PLS3: variants seen among roughly 807,000 people sequenced by gnomAD.
PLS3 encodes the protein plastin-3.
A neutral mutation model predicts 46.5 loss-of-function variants in PLS3; 11 were observed. That is an observed-to-expected ratio of 0.24 (90% CI 0.15 to 0.39). PLS3 has a LOEUF of 0.39. PLS3 is among the 10% of genes least tolerant of loss of function. PLS3 has a pLI of 1.00. For missense variants in PLS3, 308 were observed against 461.8 expected (o/e 0.67, Z 3.05); for synonymous variants, 167 against 162.2 (o/e 1.03, Z -0.22).
intron 4 of PLS3, 142 bp from the exon 5 acceptor site, chrX:115,629,693 T>C: frequency 2.4e-6 from 1 of 423,310 alleles, no homozygotes; most frequent in African/African-American, 2.5e-5. Flanking sequence ...TGCATCCAAG[T>C]GTCTGGGTTT....
rs61675561 is a variant in PLS3 at position 115,609,486 on chromosome X, T to G, written c.-8-757T>G. On this transcript the variant is annotated intron_variant, in intron 1 of 15. Coordinates refer to ENST00000355899, the MANE Select transcript of PLS3 (RefSeq NM_005032.7). The stretch of plus-strand genomic sequence containing the variant: ...TGGGATAACATTTCACTTAATTGGG[T>G]TCAAAGTTAATGTGCCCCCATCATC... Among the ~76,000 whole-genome samples, 457 of 111,767 alleles carry G rather than the reference T, an allele frequency of 4.1e-3. 8 individuals are homozygous for G. The East Asian group carries it at 0.065, about 16-fold the overall frequency.
intron 1 of PLS3, among the ~76,000 whole-genome samples, chrX:115,577,907 C>T (rs185093578): frequency 9.0e-4 from 100 of 111,463 alleles, no homozygotes; most frequent in African/African-American, 2.9e-3. Flanking sequence ...AAGTACTTAC[C>T]GAGCACCTTA....
chrX:115,643,578 C>A, intron 10 of PLS3, 70 bp downstream of exon 10: 1 of 602,543 alleles, frequency 1.7e-6, no homozygotes, highest in Non-Finnish European at 2.6e-6. Flanking sequence ...AATGATTTTA[C>A]AATCTAGACT....
intron 1 of PLS3, among the ~76,000 whole-genome samples, chrX:115,607,597 C>G (rs892489893): frequency 1.1e-4 from 12 of 108,622 alleles, no homozygotes; most frequent in African/African-American, 4.0e-4. Context: ...CTCCCAGGTT[C>G]AAGCGATTCT....
intron 1 of PLS3, among the ~76,000 whole-genome samples, chrX:115,588,274 C>T (rs1166635890): frequency 1.8e-5 from 2 of 111,884 alleles, no homozygotes; most frequent in Non-Finnish European, 3.8e-5. Flanking sequence ...ATCTGGAAAG[C>T]CTCTTAAAGT....
chrX:115,648,028 C>T lies in PLS3; in HGVS notation c.1760+11C>T. On this transcript the variant is annotated intron_variant, in intron 15 of 15. Coordinates refer to ENST00000355899, the MANE Select transcript of PLS3 (RefSeq NM_005032.7). ...GCACAATAATGCCAAGTAAGGGAGA[C>T]TGCTAATAGTATGAAAAGAACGCAG... The T allele has an allele frequency of 8.8e-7, 1 of 1,138,269 alleles. No homozygotes were observed. Among genetic ancestry groups the T allele is most frequent in the Non-Finnish European group, 1.2e-6 (1 of 831,177 alleles). The allele number at this position is 1,138,269 out of a possible 1,213,427, so 93.8% of individuals were successfully genotyped here.
At chrX:115,608,457 A>G (rs2074515957) in intron 1 of PLS3, among the ~76,000 whole-genome samples, 1 of 111,899 alleles carries the variant, frequency 8.9e-6, no homozygotes, top group African/African-American at 3.3e-5. Context: ...ACATTTGTCC[A>G]AACCCACAGA....
intron 3 of PLS3, among the ~76,000 whole-genome samples, chrX:115,622,853 G>C (rs1344335542): frequency 9.0e-6 from 1 of 111,581 alleles, no homozygotes; most frequent in Non-Finnish European, 1.9e-5. Context: ...TCTTGTGGTA[G>C]GGGTATTTAA....
intron 1 of PLS3, among the ~76,000 whole-genome samples, chrX:115,584,175 T>A (rs1474728069): frequency 1.8e-5 from 2 of 111,943 alleles, no homozygotes; most frequent in African/African-American, 6.5e-5. Flanking sequence ...ATGCTGAAAG[T>A]TTATTCTTGA....
At chrX:115,568,715 AAGAT>A (rs781957322) in intron 1 of PLS3, among the ~76,000 whole-genome samples, 19 of 112,374 alleles carry the variant, frequency 1.7e-4, no homozygotes, top group African/African-American at 5.5e-4. Flanking sequence ...CTTAAACAAA[AAGAT>A]AGCCTTGATT....
chrX:115,640,484 T>C lies in PLS3; in HGVS notation c.968T>C (p.Ile323Thr). 1 of 1,156,284 alleles carries C rather than the reference T, an allele frequency of 8.6e-7. No individual in the cohort carries two copies. The highest frequency in any genetic ancestry group is 1.2e-6 in the Non-Finnish European group (1 of 845,445). ...AAGGAAGGTGAACCACGGATAGATA[T>C]TAACATGTCAGGTTTCAATGTAAGT... ...GQKEGEPRID[I>T]NMSGFNETDD... Residue 323 changes from isoleucine to threonine, a missense_variant, in exon 9 of 16, where the codon ATT becomes ACT. By Grantham distance (89) the Ile-to-Thr change is moderately conservative. Coordinates refer to ENST00000355899, the MANE Select transcript of PLS3 (RefSeq NM_005032.7).
intron 1 of PLS3, among the ~76,000 whole-genome samples, chrX:115,600,823 C>T (rs782204030): frequency 3.6e-4 from 40 of 111,003 alleles, no homozygotes; most frequent in African/African-American, 1.3e-3. Context: ...CATTGGGAAA[C>T]GTGCTTTGGG....
chrX:115,618,367 C>T (rs1488551720), intron 2 of PLS3, among the ~76,000 whole-genome samples: 2 of 111,257 alleles, frequency 1.8e-5, no homozygotes, highest in Non-Finnish European at 3.8e-5. Flanking sequence ...CATTTGAGGC[C>T]AGGAGTTTGA....
intron 15 of PLS3, among the ~76,000 whole-genome samples, chrX:115,649,064 C>CT (rs1231095511): frequency 9.0e-6 from 1 of 111,581 alleles, no homozygotes; most frequent in Non-Finnish European, 1.9e-5. Flanking sequence ...CCTCATATCT[C>CT]TAAGATGACT....
chrX:115,617,187 A>T (rs1375047561), intron 2 of PLS3, among the ~76,000 whole-genome samples: 1 of 111,395 alleles, frequency 9.0e-6, no homozygotes, highest in Admixed American at 9.6e-5. Flanking sequence ...AAACAAGTGC[A>T]CATCTCCTTT....
At chrX:115,627,641 T>A (rs1162212523) in intron 3 of PLS3, among the ~76,000 whole-genome samples, 2 of 112,384 alleles carry the variant, frequency 1.8e-5, no homozygotes, top group Non-Finnish European at 3.7e-5. Flanking sequence ...AGCTCCATAC[T>A]GTTGATACTT....
chrX:115,637,007 G>A (rs782101336), intron 8 of PLS3, 29 bp downstream of exon 8: 1 of 1,176,989 alleles, frequency 8.5e-7, no homozygotes, highest in East Asian at 3.0e-5. Context: ...ACAACATTTT[G>A]GGGGGATATA....
intron 3 of PLS3, 127 bp from the exon 4 acceptor site, chrX:115,629,070 GT>G (rs1226345837): frequency 5.0e-5 from 24 of 484,419 alleles, no homozygotes; most frequent in Non-Finnish European, 7.4e-5. Flanking sequence ...CTCAAGCCCA[GT>G]TTTTTGTATC....
intron 1 of PLS3, among the ~76,000 whole-genome samples, chrX:115,597,828 A>C (rs1321056750): frequency 8.9e-6 from 1 of 111,889 alleles, no homozygotes; most frequent in African/African-American, 3.2e-5. Context: ...ATGAGAAAAT[A>C]CTGTCAATTT....
Sources: gnomAD v4.1 joint callset for allele counts (sites outside exome capture counted in the v4.1 genomes callset) on GRCh38, gnomAD v4.1.1 for gene constraint, MANE v1.5 for transcripts, NCBI Gene and HGNC (gene_info 2026-07-23, HGNC 2026-07-21) for gene names.